The following UBE2E2 variants were observed in gnomAD, a reference collection of about 807,000 sequenced individuals.
UBE2E2 encodes the protein ubiquitin conjugating enzyme E2 E2, also known as ubiquitin-conjugating enzyme E2 E2.
A neutral mutation model predicts 24.7 loss-of-function variants in UBE2E2; 6 were observed. The ratio of observed to expected loss-of-function variants is 0.24; its 90% confidence interval spans 0.13 to 0.48. UBE2E2 has a LOEUF of 0.48. UBE2E2 is among the 20% of genes least tolerant of loss of function. UBE2E2 has a pLI of 0.99. For synonymous variants in UBE2E2, 104 were observed against 83.6 expected, an observed-to-expected ratio of 1.24 and a Z score of -1.33; for missense variants, 169 against 245.0, an observed-to-expected ratio of 0.69 and a Z score of 2.07.
chr3:23,490,593 CAA>C (rs1307609057), intron 3 of UBE2E2, among the ~76,000 whole-genome samples: 3 of 152,060 alleles, frequency 2.0e-5, no homozygotes, highest in Admixed American at 2.0e-4. Context: ...GCACGTAACA[CAA>C]AAAGAGGCAG....
intron 3 of UBE2E2, among the ~76,000 whole-genome samples, chr3:23,396,157 A>G (rs897163293): frequency 6.6e-6 from 1 of 151,376 alleles, no homozygotes; most frequent in Non-Finnish European, 1.5e-5. Context: ...AATTATAATA[A>G]TTTCTTCTAG....
chr3:23,538,382 C>T (rs924045202), intron 5 of UBE2E2, among the ~76,000 whole-genome samples: 3 of 152,152 alleles, frequency 2.0e-5, no homozygotes, highest in Non-Finnish European at 2.9e-5. Flanking sequence ...ACTTCACTGG[C>T]ACCTCATACA....
chr3:23,485,326 C>T (rs201104242), intron 3 of UBE2E2, among the ~76,000 whole-genome samples: 2 of 152,046 alleles, frequency 1.3e-5, no homozygotes, highest in African/African-American at 4.8e-5. Flanking sequence ...GAACTCCTAA[C>T]GTCAAGTGAT....
At chr3:23,380,215 T>G (rs1696635078) in intron 3 of UBE2E2, among the ~76,000 whole-genome samples, 1 of 151,624 alleles carries the variant, frequency 6.6e-6, no homozygotes, top group Non-Finnish European at 1.5e-5. Flanking sequence ...TTCTTCTTTA[T>G]TAAAAAAAAA....
chr3:23,545,526 C>G (rs1203436769), intron 5 of UBE2E2, among the ~76,000 whole-genome samples: 1 of 152,172 alleles, frequency 6.6e-6, no homozygotes, highest in East Asian at 1.9e-4. Context: ...AACAGAATCT[C>G]AAGGCAGAAG....
intron 3 of UBE2E2, among the ~76,000 whole-genome samples, chr3:23,478,896 AT>A (rs5847235): frequency 0.45 from 54,281 of 120,380 alleles, 10,009 homozygotes; most frequent in East Asian, 0.58. Context: ...ATATATATAT[AT>A]TTTTTTTTTA....
At chr3:23,524,865 G>GACAC (rs59806964) in intron 4 of UBE2E2, among the ~76,000 whole-genome samples, 5,047 of 147,486 alleles carry the variant, frequency 0.034, 122 homozygotes, top group African/African-American at 0.061. Flanking sequence ...CAGACACACA[G>GACAC]ACACACACAC....
chr3:23,330,082 A>G (rs1017883309), intron 3 of UBE2E2, among the ~76,000 whole-genome samples: 2 of 152,236 alleles, frequency 1.3e-5, no homozygotes, highest in Non-Finnish European at 2.9e-5. Context: ...ATGGGATAAA[A>G]GAAACACTCG....
At chr3:23,266,290 G>C (rs1486855108) in intron 3 of UBE2E2, among the ~76,000 whole-genome samples, 1 of 152,200 alleles carries the variant, frequency 6.6e-6, no homozygotes, top group African/African-American at 2.4e-5. Context: ...GGTGCCAGTT[G>C]TTCCTTTCCA....
intron 3 of UBE2E2, among the ~76,000 whole-genome samples, chr3:23,432,190 G>A (rs999558330): frequency 2.3e-4 from 35 of 152,148 alleles, no homozygotes; most frequent in African/African-American, 8.0e-4. Context: ...GTAGAGAAAA[G>A]AAGCAACAGA....
intron 3 of UBE2E2, among the ~76,000 whole-genome samples, chr3:23,341,393 G>A (rs1695384546): frequency 6.6e-6 from 1 of 151,702 alleles, no homozygotes; most frequent in South Asian, 2.1e-4. Flanking sequence ...TTTACCCAAA[G>A]CCACACTATT....
At chr3:23,367,352 A>G (rs1048385424) in intron 3 of UBE2E2, among the ~76,000 whole-genome samples, 7 of 152,282 alleles carry the variant, frequency 4.6e-5, no homozygotes, top group Non-Finnish European at 7.4e-5. Context: ...GGGGCTGGTC[A>G]CTGGAAAAAC....
Position 23,468,266 on chromosome 3 carries a change from T to C in UBE2E2, c.228-31342T>C, listed in dbSNP as rs183606357. Among the ~76,000 whole-genome samples, 3 of 152,360 alleles carry C rather than the reference T, an allele frequency of 2.0e-5. No individual in the cohort carries two copies. The East Asian group carries it at 5.8e-4, about 29-fold the overall frequency. On this transcript the variant is annotated intron_variant, in intron 3 of 5. Coordinates refer to ENST00000396703, the MANE Select transcript of UBE2E2 (RefSeq NM_152653.4). ...ACTGTTGTTTTCTCTGGACTTTCAA[T>C]TGTTAGCACACACTTCAGCAGTTGT...
At chr3:23,298,499 A>G (rs1408026149) in intron 3 of UBE2E2, among the ~76,000 whole-genome samples, 3 of 151,988 alleles carry the variant, frequency 2.0e-5, no homozygotes, top group African/African-American at 4.8e-5. Flanking sequence ...TAGCATGAAG[A>G]GTTGTTGAAT....
intron 5 of UBE2E2, among the ~76,000 whole-genome samples, chr3:23,567,317 G>A (rs889531296): frequency 5.9e-5 from 9 of 152,218 alleles, no homozygotes; most frequent in South Asian, 2.1e-4. Flanking sequence ...GAAGCACTGT[G>A]TGTGGACAGA....
At chr3:23,445,736 A>G (rs1286237436) in intron 3 of UBE2E2, among the ~76,000 whole-genome samples, 2 of 151,996 alleles carry the variant, frequency 1.3e-5, no homozygotes, top group Non-Finnish European at 2.9e-5. Context: ...CAAATATACC[A>G]TTTCCATCAT....
chr3:23,577,088 C>T (rs1348809713), intron 5 of UBE2E2, among the ~76,000 whole-genome samples: 2 of 151,988 alleles, frequency 1.3e-5, no homozygotes, highest in Non-Finnish European at 1.5e-5. Flanking sequence ...TCAGTGATCT[C>T]TGATGCTACT....
chr3:23,400,538 A>G (rs1022816962), intron 3 of UBE2E2, among the ~76,000 whole-genome samples: 5 of 151,804 alleles, frequency 3.3e-5, no homozygotes, highest in Non-Finnish European at 1.5e-5. Flanking sequence ...GAATAGGAGC[A>G]TATGGTCAGC....
intron 4 of UBE2E2, among the ~76,000 whole-genome samples, chr3:23,511,803 T>C (rs568873806): frequency 6.6e-6 from 1 of 152,334 alleles, no homozygotes; most frequent in East Asian, 1.9e-4. Context: ...TCATAAAATA[T>C]CATGCTTTTA....
Sources: allele counts gnomAD v4.1 joint callset (sites outside exome capture counted in the v4.1 genomes callset), GRCh38; gene constraint gnomAD v4.1.1; transcripts MANE v1.5; gene names NCBI Gene and HGNC (gene_info 2026-07-23, HGNC 2026-07-21).